Variants in HDAC9 observed in about 807,000 individuals in gnomAD.
HDAC9 encodes the protein histone deacetylase 9.
In HDAC9, 41 loss-of-function variants were observed where a neutral mutation model predicts 139.4. The ratio of observed to expected loss-of-function variants is 0.29; its 90% confidence interval spans 0.23 to 0.38. The LOEUF is 0.38. Among genes scored for constraint, HDAC9 ranks in the 10% least tolerant of loss-of-function variants. The pLI, the probability that HDAC9 is intolerant of heterozygous loss-of-function variation, is 1.00. For synonymous variants in HDAC9, 517 were observed against 476.2 expected, an observed-to-expected ratio of 1.09 and a Z score of -1.12; for missense variants, 1,147 against 1,297.0, an observed-to-expected ratio of 0.88 and a Z score of 1.78.
chr7:18,574,188 C>T (rs138581963), intron 2 of HDAC9, among the ~76,000 whole-genome samples: 2 of 152,208 alleles, frequency 1.3e-5, no homozygotes, highest in Non-Finnish European at 1.5e-5. Context: ...GTGGTTAGCT[C>T]CTTTCTCCAG....
chr7:18,148,126 C>T (rs922550309), intron 1 of HDAC9, among the ~76,000 whole-genome samples: 7 of 152,142 alleles, frequency 4.6e-5, no homozygotes, highest in Admixed American at 3.9e-4. Context: ...TTACTAGTTT[C>T]CTATTGCTAC....
chr7:18,852,177 C>T (rs1343918153), intron 21 of HDAC9, among the ~76,000 whole-genome samples: 1 of 152,194 alleles, frequency 6.6e-6, no homozygotes, highest in Non-Finnish European at 1.5e-5. Flanking sequence ...CTTAACTGAG[C>T]TAGTTGCTGT....
chr7:18,328,484 A>G (rs976678300), intron 1 of HDAC9, among the ~76,000 whole-genome samples: 3 of 151,992 alleles, frequency 2.0e-5, no homozygotes, highest in African/African-American at 4.8e-5. Flanking sequence ...AATTTAGAAT[A>G]CACACGTAAA....
chr7:18,540,828 C>A (rs2128615084), intron 2 of HDAC9, among the ~76,000 whole-genome samples: 1 of 152,314 alleles, frequency 6.6e-6, no homozygotes, highest in Non-Finnish European at 1.5e-5. Context: ...AAATACCCAA[C>A]ACTAATGAGC....
intron 22 of HDAC9, among the ~76,000 whole-genome samples, chr7:18,901,267 T>C (rs1305812065): frequency 2.7e-5 from 4 of 149,200 alleles, no homozygotes; most frequent in African/African-American, 9.8e-5. Flanking sequence ...TATACATATA[T>C]ATATATATAA....
chr7:18,233,590 T>A (rs543160066), intron 2 of HDAC9, among the ~76,000 whole-genome samples: 21 of 152,276 alleles, frequency 1.4e-4, no homozygotes, highest in Non-Finnish European at 3.1e-4. Context: ...ACAGCTAATT[T>A]ATAAAACAAG....
At chr7:18,622,771 T>G (rs1840575139) in intron 6 of HDAC9, among the ~76,000 whole-genome samples, 1 of 152,148 alleles carries the variant, frequency 6.6e-6, no homozygotes, top group Non-Finnish European at 1.5e-5. Context: ...AATGAAGAAC[T>G]TCTACATACC....
chr7:18,213,437 A>C (rs2529749), intron 2 of HDAC9, among the ~76,000 whole-genome samples: 60,618 of 151,970 alleles, frequency 0.4, 13,867 homozygotes, highest in Admixed American at 0.52. Flanking sequence ...AACTCTGATA[A>C]TAGTTACTGA....
chr7:18,600,006 C>G (rs537259838), intron 6 of HDAC9, among the ~76,000 whole-genome samples: 2 of 151,222 alleles, frequency 1.3e-5, no homozygotes, highest in Non-Finnish European at 2.9e-5. Context: ...CATTCTAATA[C>G]GTATGTAGTG....
intron 21 of HDAC9, among the ~76,000 whole-genome samples, chr7:18,859,287 C>T (rs1797911829): frequency 6.6e-6 from 1 of 152,198 alleles, no homozygotes. Context: ...AGTTTCCTTG[C>T]CTCCAACATA....
chr7:18,381,465 A>G lies in HDAC9; in HGVS notation c.-42+90950A>G, dbSNP rs117961417. On this transcript the variant is annotated intron_variant, in intron 1 of 3. Transcript: ENST00000413509. Reference sequence around the variant, plus strand: ...AAATCACGGGAGATTTAAAAGAAAAATCAACTTTCTAAATTTTGGGATCAA... The same window carrying G: ...AAATCACGGGAGATTTAAAAGAAAAGTCAACTTTCTAAATTTTGGGATCAA... Among the ~76,000 whole-genome samples, 7 of 152,074 alleles carry G rather than the reference A, an allele frequency of 4.6e-5. No homozygotes were observed. In the East Asian group the frequency reaches 1.4e-3, roughly 29 times the overall value.
intron 9 of HDAC9, among the ~76,000 whole-genome samples, chr7:18,645,090 C>T (rs1786953360): frequency 6.6e-6 from 1 of 152,086 alleles, no homozygotes; most frequent in African/African-American, 2.4e-5. Flanking sequence ...CACAGCCATC[C>T]TGTGAAACAG....
chr7:18,338,189 G>T (rs1468131530), intron 1 of HDAC9, among the ~76,000 whole-genome samples: 1 of 151,694 alleles, frequency 6.6e-6, no homozygotes, highest in Non-Finnish European at 1.5e-5. Context: ...TGAAGATACA[G>T]GGTAAGTTAT....
At chr7:18,768,608 A>G (rs549376499) in intron 16 of HDAC9, among the ~76,000 whole-genome samples, 6 of 152,302 alleles carry the variant, frequency 3.9e-5, no homozygotes, top group African/African-American at 1.4e-4. Flanking sequence ...ATTTTCTAAC[A>G]TCTCAAATGG....
rs561072945 is a variant in HDAC9, at chr7:18,432,961, A to G, written c.-41-63301A>G. On this transcript the variant is annotated intron_variant, in intron 1 of 3. Transcript: ENST00000413509. ...ATGAGACTCTGTCTTAAAAAAAAAA[A>G]AAAAGAAAAGAAATACCAGTGGAAG... 9.2e-5 allele frequency among the ~76,000 whole-genome samples: 14 copies of G among 151,918 alleles called. 1 individual carries two copies. Among genetic ancestry groups the G allele is most frequent in the African/African-American group, 1.4e-4 (6 of 41,430 alleles).
At chr7:18,851,425 T>G (rs917611408) in intron 21 of HDAC9, 3 of 152,510 alleles carry the variant, frequency 2.0e-5, no homozygotes, top group African/African-American at 7.2e-5. Flanking sequence ...TGAAGTGCCT[T>G]GCTTCTCCTT....
intron 1 of HDAC9, among the ~76,000 whole-genome samples, chr7:18,138,346 C>A (rs1785603064): frequency 6.6e-6 from 1 of 152,118 alleles, no homozygotes; most frequent in Non-Finnish European, 1.5e-5. Context: ...TCTCTCCTTG[C>A]AAGGACATCT....
intron 6 of HDAC9, 82 bp from the exon 7 acceptor site, chr7:18,629,266 CTT>C (rs369822160): frequency 5.7e-3 from 5,578 of 982,818 alleles, no homozygotes; most frequent in East Asian, 7.5e-3. Flanking sequence ...AAGGGTGAGA[CTT>C]TTTTTTTTTT....
chr7:18,260,317 T>C (rs1285763067), intron 2 of HDAC9, among the ~76,000 whole-genome samples: 2 of 133,140 alleles, frequency 1.5e-5, no homozygotes, highest in African/African-American at 2.6e-5. Context: ...TTTTGTTTTT[T>C]TTTTTGTTTT....
Sources: allele counts gnomAD v4.1 joint callset (sites outside exome capture counted in the v4.1 genomes callset), GRCh38; gene constraint gnomAD v4.1.1; transcripts MANE v1.5; gene names NCBI Gene and HGNC (gene_info 2026-07-23, HGNC 2026-07-21).